SNX19: variants seen among roughly 807,000 people sequenced by gnomAD.
SNX19 encodes sorting nexin-19.
In SNX19, 60 loss-of-function variants were observed where a neutral mutation model predicts 85.2. The observed-to-expected ratio is 0.70, with a 90% CI of 0.57 to 0.87. The LOEUF (loss-of-function observed/expected upper bound fraction) is 0.87, where lower values mean the gene tolerates loss of function less well. SNX19 is among the 40% of genes least tolerant of loss of function. SNX19 has a pLI of 0.00. For synonymous variants in SNX19, 520 were observed against 470.0 expected, an observed-to-expected ratio of 1.11 and a Z score of -1.38; for missense variants, 1,201 against 1,217.8, an observed-to-expected ratio of 0.99 and a Z score of 0.21.
In SNX19 at chr11:130,868,761, C is replaced by T. The variant is rs562884160; in HGVS notation, c.*9661G>A. 6.6e-6 allele frequency: 1 copy of T among 152,366 alleles called. No homozygotes were observed. Among genetic ancestry groups the T allele is most frequent in the Admixed American group, 6.5e-5 (1 of 15,292 alleles). 9.4% of individuals were successfully genotyped at this position (152,366 alleles called of 1,614,324 possible). A position where few individuals can be genotyped will look rare whatever the true frequency, so the allele number is the denominator to read the frequency against. On this transcript the variant is annotated 3_prime_UTR_variant, in exon 11 of 11. Transcript: ENST00000265909. Reference sequence around the variant, plus strand: ...AAGGGCCTAAGGCTTCACCCTTGCTCACTTGGAACTAGGCATTCTTGCTGT... The same window carrying T: ...AAGGGCCTAAGGCTTCACCCTTGCTTACTTGGAACTAGGCATTCTTGCTGT...
chr11:130,915,732 C>A lies in SNX19; in HGVS notation c.208G>T (p.Ala70Ser). ...TGCAGTCGACCTGAAGCCACTCCAGCGAGGCTGGAGCCCAGCCATCCTCCC... is the reference window on the plus strand; with the variant it reads ...TGCAGTCGACCTGAAGCCACTCCAGAGAGGCTGGAGCCCAGCCATCCTCCC... ...VLGGWLGSSL[A>S]GVASGRLHLE... Residue 70 changes from alanine to serine, a missense_variant, in exon 1 of 11, where the codon GCT (alanine) becomes TCT (serine). This residue lies in a region of SNX19 where 791 missense variants were observed against 750.9 expected (regional missense o/e 1.05). Coordinates refer to ENST00000265909, the MANE Select transcript of SNX19 (RefSeq NM_014758.3). 6.2e-7 allele frequency: 1 copy of A among 1,614,198 alleles called. No individual in the cohort carries two copies. The highest frequency in any genetic ancestry group is 8.5e-7 in the Non-Finnish European group (1 of 1,180,048).
Position 130,910,150 on chromosome 11 carries a change from A to AAC in SNX19, c.1915-15_1915-14dup, listed in dbSNP as rs768488845. 1 of 1,613,454 alleles carries AAC rather than the reference A, an allele frequency of 6.2e-7. No homozygotes were observed. Among genetic ancestry groups the AAC allele is most frequent in the Admixed American group, 1.7e-5 (1 of 60,014 alleles). On this transcript the variant is annotated splice_polypyrimidine_tract_variant and intron_variant, in intron 3 of 10. Transcript: ENST00000265909. ...TGGCACAGAGTTGCTGCAAAAGTAA[A>AAC]ACACACACACATTTTAAAGAGAAAT... is the stretch of plus-strand genomic sequence containing the variant.
At chr11:130,891,329 C>A (rs1944479774) in intron 8 of SNX19, among the ~76,000 whole-genome samples, 1 of 151,372 alleles carries the variant, frequency 6.6e-6, no homozygotes, top group Non-Finnish European at 1.5e-5. Flanking sequence ...TAAGAATAAT[C>A]CATGAAATGG....
In SNX19 at chr11:130,895,503, C is replaced by T. The variant is rs76677325; in HGVS notation, c.2573+7752G>A. Among the ~76,000 whole-genome samples, 1,028 of 152,194 alleles carry T rather than the reference C, an allele frequency of 6.8e-3. 3 individuals carry two copies. The highest frequency in any genetic ancestry group is 0.01 in the Non-Finnish European group (712 of 68,016). On this transcript the variant is annotated intron_variant, in intron 8 of 10. Transcript: ENST00000265909. The stretch of plus-strand genomic sequence containing the variant: ...ATGGTAAATAAGACGCAGTCCCTGC[C>T]CTCAGGATGCTGACATACATTCTAA...
At chr11:130,889,136 T>C (rs532876583) in intron 8 of SNX19, among the ~76,000 whole-genome samples, 13 of 152,294 alleles carry the variant, frequency 8.5e-5, no homozygotes, top group Admixed American at 4.6e-4. Context: ...TTAATATTTA[T>C]CTACAACCTC....
At chr11:130,887,385 C>T (rs1944166672) in intron 8 of SNX19, among the ~76,000 whole-genome samples, 1 of 152,178 alleles carries the variant, frequency 6.6e-6, no homozygotes, top group Non-Finnish European at 1.5e-5. Context: ...CTTATAAGAA[C>T]ATACAACTTG....
intron 8 of SNX19, among the ~76,000 whole-genome samples, chr11:130,900,905 G>C (rs947621627): frequency 3.3e-5 from 5 of 152,212 alleles, no homozygotes; most frequent in African/African-American, 1.2e-4. Context: ...ATACTTTCAA[G>C]TGTAAAGGTA....
chr11:130,909,432 T>C (rs1016461133), intron 4 of SNX19, among the ~76,000 whole-genome samples: 5 of 152,208 alleles, frequency 3.3e-5, no homozygotes, highest in African/African-American at 1.2e-4. Flanking sequence ...AACATAAGCC[T>C]CAGACTTCTG....
rs659160 is a variant in SNX19, at chr11:130,910,345, A to G, written c.1839T>C (p.Phe613=). The G allele has an allele frequency of 6.2e-7, 1 of 1,611,282 alleles. No individual in the cohort carries two copies. Among genetic ancestry groups the G allele is most frequent in the South Asian group, 1.1e-5 (1 of 90,708 alleles). ...CCATGTTTCCCAATGGAAGATCTGG[A>G]AAGAGCTTTTTAGGACCCTTCACAT... ...IKNVKGPKKL[F]PDLPLGNMDS... The change falls in exon 3 of 11, where the codon TTT becomes TTC. Residue 613 remains phenylalanine, a synonymous_variant. Coordinates refer to ENST00000265909, the MANE Select transcript of SNX19 (RefSeq NM_014758.3).
Position 130,873,504 on chromosome 11 carries a change from T to C in SNX19, c.*4918A>G, listed in dbSNP as rs1943107243. On this transcript the variant is annotated 3_prime_UTR_variant, in exon 11 of 11. Coordinates refer to ENST00000265909, the MANE Select transcript of SNX19 (RefSeq NM_014758.3). The stretch of plus-strand genomic sequence containing the variant: ...GACTCAGAGGCAGATTGACATGGTT[T>C]GTATCTAGGCTCTGCCACTCCCTTG... Among the ~76,000 whole-genome samples the C allele has an allele frequency of 6.6e-6, 1 of 152,180 alleles. No homozygotes were observed. The highest frequency in any genetic ancestry group is 1.5e-5 in the Non-Finnish European group (1 of 68,028).
chr11:130,879,435 C>T (rs774542726), intron 10 of SNX19, among the ~76,000 whole-genome samples, 189 bp downstream of exon 10: 5 of 136,358 alleles, frequency 3.7e-5, no homozygotes, highest in Non-Finnish European at 7.7e-5. Context: ...TGCTCAGAAG[C>T]CTGATGGTGT....
chr11:130,908,200 T>C (rs1945824732), intron 4 of SNX19, 117 bp from the exon 5 acceptor site: 2 of 1,183,792 alleles, frequency 1.7e-6, no homozygotes, highest in South Asian at 3.2e-5. Context: ...CCAGGCTATC[T>C]AGCAAAGCCT....
Position 130,878,532 on chromosome 11 carries a change from C to A in SNX19, c.2869G>T (p.Asp957Tyr). The A allele has an allele frequency of 6.2e-7, 1 of 1,613,538 alleles. No individual in the cohort carries two copies. The highest frequency in any genetic ancestry group is 8.5e-7 in the Non-Finnish European group (1 of 1,179,720). The change falls in exon 11 of 11, where the codon GAC becomes TAC. Residue 957 changes from aspartate (D) to tyrosine (Y), a missense_variant. Coordinates refer to ENST00000265909, the MANE Select transcript of SNX19 (RefSeq NM_014758.3). Reference protein sequence around the residue: ...INRHLIYCLGDIILEFLDLSA... With the variant: ...INRHLIYCLGYIILEFLDLSA... ...AGATCCAAGAATTCCAGGATGATGT[C>A]CCCAAGGCAGTAAATCAAATGCCTG...
chr11:130,886,767 G>A (rs1944110368), intron 8 of SNX19, among the ~76,000 whole-genome samples: 2 of 152,246 alleles, frequency 1.3e-5, no homozygotes, highest in South Asian at 4.1e-4. Flanking sequence ...CCGTTCCCAG[G>A]CCTCTGTCTT....
intron 8 of SNX19, chr11:130,901,693 C>T (rs894443922): frequency 2.6e-5 from 4 of 152,120 alleles, no homozygotes; most frequent in African/African-American, 4.8e-5. Flanking sequence ...ATATTTTAAA[C>T]AGAGTGGAGC....
chr11:130,893,074 C>T (rs1445580084), intron 8 of SNX19: 3 of 152,336 alleles, frequency 2.0e-5, no homozygotes, highest in Middle Eastern at 3.4e-3. Flanking sequence ...GTTGTCTTGA[C>T]GACCAGAGTC....
rs1177122712 is a variant in SNX19, at chr11:130,872,456, C to T, written c.*5966G>A. On this transcript the variant is annotated 3_prime_UTR_variant, in exon 11 of 11. Coordinates refer to ENST00000265909, the MANE Select transcript of SNX19 (RefSeq NM_014758.3). ...CAATTAAAACATTCTTCTGGATTTC[C>T]TTTTTTTTTTTCTCTCTTAAACCAG... 3.4e-5 allele frequency among the ~76,000 whole-genome samples: 5 copies of T among 147,400 alleles called. No individual in the cohort carries two copies. The highest frequency in any genetic ancestry group is 3.4e-4 in the Admixed American group (5 of 14,816).
At chr11:130,908,112 C>A (rs1435129153) in intron 4 of SNX19, 29 bp from the exon 5 acceptor site, 10 of 1,609,414 alleles carry the variant, frequency 6.2e-6, no homozygotes, top group African/African-American at 1.3e-5. Context: ...CAGGGTCAGT[C>A]CATCCACATC....
intron 2 of SNX19, 53 bp from the exon 3 acceptor site, chr11:130,910,423 G>A (rs1156885430): frequency 3.1e-6 from 4 of 1,276,156 alleles, no homozygotes; most frequent in Non-Finnish European, 4.4e-6. Context: ...TTCACAGAGA[G>A]CTATTCCATA....
Sources: allele counts gnomAD v4.1 joint callset (sites outside exome capture counted in the v4.1 genomes callset), GRCh38; gene constraint gnomAD v4.1.1; regional missense constraint gnomAD v4.1.1; transcripts MANE v1.5; gene names NCBI Gene and HGNC (gene_info 2026-07-23, HGNC 2026-07-21).